The following IFT81 variants were observed in gnomAD, a reference collection of about 807,000 sequenced individuals.
IFT81 encodes the protein intraflagellar transport protein 81 homolog.
Under a neutral mutation model 102.6 loss-of-function variants are expected in IFT81, and 72 were observed. The observed-to-expected ratio is 0.70, with a 90% CI of 0.58 to 0.85. The LOEUF is 0.85. IFT81 is among the 40% of genes least tolerant of loss of function. The pLI is 0.00. For synonymous variants in IFT81, 237 were observed against 242.7 expected (o/e 0.98, Z 0.22); for missense variants, 723 against 787.3 (o/e 0.92, Z 0.98).
rs1253573031 is a variant in IFT81, at chr12:110,200,898, C to T, written c.1558-2966C>T. ...CCGGGAGGCGGAGGTTGCGGTGAGC[C>T]GAGATCCCGCCACTGCACTCCAGCC... On this transcript the variant is annotated intron_variant, in intron 14 of 18. Transcript: ENST00000242591. Among the ~76,000 whole-genome samples the T allele has an allele frequency of 2.6e-5, 4 of 151,100 alleles. No individual in the cohort carries two copies. In the East Asian group the frequency reaches 7.9e-4, roughly 30 times the overall value.
intron 10 of IFT81, among the ~76,000 whole-genome samples, chr12:110,159,983 T>C (rs1396795101): frequency 6.6e-6 from 1 of 152,226 alleles, no homozygotes; most frequent in Non-Finnish European, 1.5e-5. Context: ...ATGTAATTAT[T>C]TTGGAACACC....
At chr12:110,201,402 C>CAA (rs533398783) in intron 14 of IFT81, among the ~76,000 whole-genome samples, 3 of 90,648 alleles carry the variant, frequency 3.3e-5, no homozygotes, top group African/African-American at 4.0e-5. Flanking sequence ...GCTCTGTCTC[C>CAA]AAAAAAAAAA....
rs1593298049 is a variant in IFT81, at chr12:110,146,939, TCA to T, written c.946-13_946-12del. On this transcript the variant is annotated splice_polypyrimidine_tract_variant and intron_variant, in intron 9 of 18. Transcript: ENST00000242591. ...AAGTTTTAACTTTTTTTTTTTGCTT[TCA>T]TGCTATTTTAGATAAATGAAATAAA... The T allele has an allele frequency of 1.3e-6, 2 of 1,589,700 alleles. No individual in the cohort carries two copies. The highest frequency in any genetic ancestry group is 1.8e-5 in the Admixed American group (1 of 55,116).
rs1894918064 is a variant in IFT81 at position 110,141,979 on chromosome 12, A to G, written c.782-1403A>G. Among the ~76,000 whole-genome samples the G allele has an allele frequency of 4.6e-5, 7 of 152,242 alleles. No individual in the cohort carries two copies. The South Asian group carries it at 1.4e-3, about 31-fold the overall frequency. On this transcript the variant is annotated intron_variant, in intron 8 of 18. Transcript: ENST00000242591. ...GTAAATCTCTCTAGGCTGGGAATTTAAAACAAGATGGTTATTCACTGAAAA... is the reference window on the plus strand; with the variant it reads ...GTAAATCTCTCTAGGCTGGGAATTTGAAACAAGATGGTTATTCACTGAAAA...
intron 10 of IFT81, among the ~76,000 whole-genome samples, chr12:110,153,527 C>T (rs893571057): frequency 5.3e-5 from 8 of 151,598 alleles, no homozygotes; most frequent in South Asian, 4.2e-4. Context: ...CATGAGCCAC[C>T]GCGCCCAGCC....
intron 11 of IFT81, among the ~76,000 whole-genome samples, chr12:110,174,360 C>G (rs924490938): frequency 6.1e-5 from 9 of 148,428 alleles, no homozygotes; most frequent in African/African-American, 1.8e-4. Context: ...GAGGCTGAGG[C>G]CAGAGAATTG....
chr12:110,217,853 T>C (rs1204263230), intron 18 of IFT81, among the ~76,000 whole-genome samples, 191 bp from the exon 19 acceptor site: 1 of 152,202 alleles, frequency 6.6e-6, no homozygotes, highest in Non-Finnish European at 1.5e-5. Flanking sequence ...GTGCTAGGTT[T>C]ACAGACATGA....
chr12:110,192,773 G>A (rs559351948), intron 14 of IFT81, 67 bp downstream of exon 14: 36 of 857,580 alleles, frequency 4.2e-5, no homozygotes, highest in South Asian at 3.5e-4. Flanking sequence ...TTATTCACAT[G>A]TGCTAGTTAG....
intron 14 of IFT81, among the ~76,000 whole-genome samples, chr12:110,196,189 A>G (rs1176823529): frequency 6.6e-6 from 1 of 152,206 alleles, no homozygotes; most frequent in Non-Finnish European, 1.5e-5. Context: ...AATGGTTAAA[A>G]TGGCAAATTT....
chr12:110,157,916 A>C (rs1895931980), intron 10 of IFT81, among the ~76,000 whole-genome samples: 1 of 151,836 alleles, frequency 6.6e-6, no homozygotes, highest in African/African-American at 2.4e-5. Flanking sequence ...CTATTTTGTT[A>C]ATACATTGTT....
intron 12 of IFT81, among the ~76,000 whole-genome samples, chr12:110,181,117 C>T (rs1897303280): frequency 1.3e-5 from 2 of 151,954 alleles, no homozygotes; most frequent in South Asian, 4.1e-4. Context: ...CTTTCACCAA[C>T]GAGGAAACTT....
chr12:110,129,190 A>G (rs1894025198), intron 4 of IFT81, 60 bp downstream of exon 4: 1 of 1,226,948 alleles, frequency 8.2e-7, no homozygotes, highest in African/African-American at 1.6e-5. Flanking sequence ...TATATATTCA[A>G]ATACATGTTA....
chr12:110,161,641 T>C (rs1361635933), intron 10 of IFT81, among the ~76,000 whole-genome samples: 2 of 150,030 alleles, frequency 1.3e-5, no homozygotes, highest in African/African-American at 4.9e-5. Flanking sequence ...TTTTGTAGAG[T>C]CAGGATCTCA....
chr12:110,145,873 C>T (rs535631309), intron 9 of IFT81, among the ~76,000 whole-genome samples: 11 of 151,642 alleles, frequency 7.3e-5, no homozygotes, highest in African/African-American at 2.4e-4. Flanking sequence ...TCCAGTGGTG[C>T]GATCTCGGCT....
At chr12:110,210,472 T>C (rs940203766) in intron 18 of IFT81, among the ~76,000 whole-genome samples, 4 of 152,142 alleles carry the variant, frequency 2.6e-5, no homozygotes, top group African/African-American at 9.7e-5. Context: ...AAGTGACCCA[T>C]ACCTATTTGT....
intron 4 of IFT81, among the ~76,000 whole-genome samples, chr12:110,129,622 A>G (rs1394018734): frequency 6.6e-6 from 1 of 152,104 alleles, no homozygotes; most frequent in African/African-American, 2.4e-5. Flanking sequence ...TCCCAATCAG[A>G]CAAAGGGTAG....
intron 4 of IFT81, among the ~76,000 whole-genome samples, chr12:110,130,279 G>A (rs1894085006): frequency 6.6e-6 from 1 of 151,916 alleles, no homozygotes; most frequent in African/African-American, 2.4e-5. Flanking sequence ...AAATAGAGAA[G>A]TGTAAATGTG....
At chr12:110,216,485 G>A (rs555840922) in intron 18 of IFT81, 14 of 451,784 alleles carry the variant, frequency 3.1e-5, no homozygotes, top group South Asian at 1.1e-4. Context: ...GTGAGTCACC[G>A]TGCCCAGCCC....
At chr12:110,183,170 T>A (rs1367592329) in intron 12 of IFT81, among the ~76,000 whole-genome samples, 1 of 152,072 alleles carries the variant, frequency 6.6e-6, no homozygotes, top group African/African-American at 2.4e-5. Flanking sequence ...GAGGTGATAT[T>A]ATGTGAGATT....
Sources: gnomAD v4.1 joint callset for allele counts (sites outside exome capture counted in the v4.1 genomes callset) on GRCh38, gnomAD v4.1.1 for gene constraint, MANE v1.5 for transcripts, NCBI Gene and HGNC (gene_info 2026-07-23, HGNC 2026-07-21) for gene names.